The following ST6GALNAC3 variants were observed in gnomAD, a reference collection of about 807,000 sequenced individuals.
ST6GALNAC3 encodes ST6 N-acetylgalactosaminide alpha-2,6-sialyltransferase 3.
ST6GALNAC3 carries 25 observed loss-of-function variants against 32.7 expected under a neutral mutation model. The observed-to-expected ratio is 0.76, with a 90% CI of 0.56 to 1.07. ST6GALNAC3 has a LOEUF of 1.07. ST6GALNAC3 is among the 50% of genes least tolerant of loss of function. The pLI, the probability that ST6GALNAC3 is intolerant of heterozygous loss-of-function variation, is 0.00. For synonymous variants in ST6GALNAC3, 129 were observed against 133.1 expected, an observed-to-expected ratio of 0.97 and a Z score of 0.21; for missense variants, 355 against 382.4, an observed-to-expected ratio of 0.93 and a Z score of 0.60.
At chr1:76,156,973 T>C (rs7528467) in intron 1 of ST6GALNAC3, among the ~76,000 whole-genome samples, 3,441 of 152,262 alleles carry the variant, frequency 0.023, 67 homozygotes, top group Middle Eastern at 0.058. Context: ...CCTCGTGATC[T>C]GCCCGCCTTG....
chr1:76,193,813 T>C (rs1368453041), intron 1 of ST6GALNAC3, among the ~76,000 whole-genome samples: 2 of 152,182 alleles, frequency 1.3e-5, no homozygotes, highest in Non-Finnish European at 2.9e-5. Context: ...AGTGATTTGA[T>C]TTCTAGTGAG....
At chr1:76,311,384 A>T (rs1646760438) in intron 1 of ST6GALNAC3, among the ~76,000 whole-genome samples, 1 of 152,078 alleles carries the variant, frequency 6.6e-6, no homozygotes, top group Non-Finnish European at 1.5e-5. Flanking sequence ...ACACCCGTCA[A>T]CTAGTCACCT....
chr1:76,597,375 A>G (rs1160684315), intron 3 of ST6GALNAC3, among the ~76,000 whole-genome samples: 1 of 152,080 alleles, frequency 6.6e-6, no homozygotes, highest in Non-Finnish European at 1.5e-5. Context: ...ACAGCCACCT[A>G]TAACTTAAGA....
At chr1:76,328,464 G>A (rs1448781050) in intron 2 of ST6GALNAC3, among the ~76,000 whole-genome samples, 2 of 152,044 alleles carry the variant, frequency 1.3e-5, no homozygotes, top group Non-Finnish European at 2.9e-5. Flanking sequence ...CACCATTTTT[G>A]CCATCTTGCT....
chr1:76,339,063 T>A (rs537184705), intron 2 of ST6GALNAC3, among the ~76,000 whole-genome samples: 1 of 152,128 alleles, frequency 6.6e-6, no homozygotes, highest in Admixed American at 6.5e-5. Context: ...CCAGCTGTGG[T>A]TTGGAAGGCA....
intron 2 of ST6GALNAC3, among the ~76,000 whole-genome samples, chr1:76,387,094 T>C (rs1652155992): frequency 6.6e-6 from 1 of 152,264 alleles, no homozygotes; most frequent in East Asian, 1.9e-4. Context: ...GATTGTTACT[T>C]CTCATTTCAA....
intron 1 of ST6GALNAC3, among the ~76,000 whole-genome samples, chr1:76,312,699 C>G (rs960666063): frequency 1.3e-5 from 2 of 152,108 alleles, no homozygotes; most frequent in Admixed American, 1.3e-4. Flanking sequence ...AACAAAATTT[C>G]TTTTGGCTTT....
chr1:76,130,803 T>C (rs913337647), intron 1 of ST6GALNAC3, among the ~76,000 whole-genome samples: 1 of 152,194 alleles, frequency 6.6e-6, no homozygotes, highest in African/African-American at 2.4e-5. Flanking sequence ...TTCAGGCAGC[T>C]TGTGTGTCCA....
At chr1:76,334,648 A>C (rs1647321517) in intron 2 of ST6GALNAC3, among the ~76,000 whole-genome samples, 1 of 152,234 alleles carries the variant, frequency 6.6e-6, no homozygotes, top group South Asian at 2.1e-4. Flanking sequence ...GTAATCTCAC[A>C]GTAGGCAGGT....
At chr1:76,379,933 G>C (rs1651569524) in intron 2 of ST6GALNAC3, among the ~76,000 whole-genome samples, 3 of 152,176 alleles carry the variant, frequency 2.0e-5, no homozygotes, top group African/African-American at 7.2e-5. Context: ...AAGAGGAAGG[G>C]GGAGGATATG....
intron 1 of ST6GALNAC3, among the ~76,000 whole-genome samples, chr1:76,269,996 C>G (rs1029296818): frequency 2.0e-5 from 3 of 152,168 alleles, no homozygotes; most frequent in Non-Finnish European, 4.4e-5. Context: ...CCTAATAGAG[C>G]CTCATGCAGA....
chr1:76,282,341 A>T (rs909536977), intron 1 of ST6GALNAC3, among the ~76,000 whole-genome samples: 1 of 152,302 alleles, frequency 6.6e-6, no homozygotes, highest in Non-Finnish European at 1.5e-5. Flanking sequence ...TATATGTGAT[A>T]AATACATACA....
intron 1 of ST6GALNAC3, among the ~76,000 whole-genome samples, chr1:76,168,739 A>G (rs1652288379): frequency 6.6e-6 from 1 of 151,924 alleles, no homozygotes; most frequent in Non-Finnish European, 1.5e-5. Context: ...TTGTCTTTTT[A>G]TCTTTGTTGG....
rs913688052 is a variant in ST6GALNAC3, at chr1:76,628,942, T to A, written c.*136T>A. The A allele has an allele frequency of 2.8e-5, 41 of 1,473,844 alleles. No homozygotes were observed. In the Admixed American group the frequency reaches 1.0e-3, roughly 37 times the overall value. 91.3% of individuals were successfully genotyped at this position (1,473,844 alleles called of 1,614,324 possible). The stretch of plus-strand genomic sequence containing the variant: ...TATCAAGTTCCTGTACACTCTCAGA[T>A]GTGGATGGTGACTCTGCTAGTAATT... On this transcript the variant is annotated 3_prime_UTR_variant, in exon 5 of 5. Coordinates refer to ENST00000328299, the MANE Select transcript of ST6GALNAC3 (RefSeq NM_152996.4).
chr1:76,180,066 T>C (rs1228344852), intron 1 of ST6GALNAC3, among the ~76,000 whole-genome samples: 1 of 152,242 alleles, frequency 6.6e-6, no homozygotes, highest in Non-Finnish European at 1.5e-5. Context: ...ATTTATAAAG[T>C]GCTAACAAAT....
At chr1:76,371,800 C>T (rs1244679457) in intron 2 of ST6GALNAC3, among the ~76,000 whole-genome samples, 1 of 152,148 alleles carries the variant, frequency 6.6e-6, no homozygotes, top group Non-Finnish European at 1.5e-5. Flanking sequence ...CTTTGATCTA[C>T]ATTTTGTAGG....
intron 2 of ST6GALNAC3, among the ~76,000 whole-genome samples, chr1:76,318,311 C>G (rs1646905120): frequency 6.6e-6 from 1 of 152,106 alleles, no homozygotes; most frequent in African/African-American, 2.4e-5. Context: ...GGCTTTAACT[C>G]TTTACCTTTA....
At chr1:76,464,873 A>G (rs944652544) in intron 3 of ST6GALNAC3, among the ~76,000 whole-genome samples, 1 of 152,216 alleles carries the variant, frequency 6.6e-6, no homozygotes, top group Non-Finnish European at 1.5e-5. Flanking sequence ...ACCCAGCTCC[A>G]TCAAACTCAG....
chr1:76,602,721 A>G (rs1268959490), intron 3 of ST6GALNAC3, among the ~76,000 whole-genome samples: 2 of 152,060 alleles, frequency 1.3e-5, no homozygotes, highest in Non-Finnish European at 2.9e-5. Context: ...TTAATAAATT[A>G]ATGTATTGGT....
Sources: gnomAD v4.1 joint callset for allele counts (sites outside exome capture counted in the v4.1 genomes callset) on GRCh38, gnomAD v4.1.1 for gene constraint, MANE v1.5 for transcripts, NCBI Gene and HGNC (gene_info 2026-07-23, HGNC 2026-07-21) for gene names.